SNRPN: variants seen among roughly 807,000 people sequenced by gnomAD.
The protein encoded by SNRPN is small nuclear ribonucleoprotein-associated protein N.
In SNRPN, 7 loss-of-function variants were observed where a neutral mutation model predicts 25.2. The observed-to-expected ratio is 0.28, with a 90% confidence interval of 0.16 to 0.52. SNRPN has a LOEUF of 0.52. SNRPN is among the 20% of genes least tolerant of loss of function. The pLI is 0.96. For synonymous variants in SNRPN, 124 were observed against 110.6 expected (o/e 1.12, Z -0.76); for missense variants, 196 against 322.5 (o/e 0.61, Z 3.00).
At chr15:24,856,563 A>G (rs2053412556) in exon 1 of SNRPN, 1 of 152,224 alleles carries the variant, frequency 6.6e-6, no homozygotes, top group Non-Finnish European at 1.5e-5. Flanking sequence ...CTGAGCTCAG[A>G]GCCTTCTGTG....
At chr15:24,972,034 T>C (rs554625086) in intron 3 of SNRPN, among the ~76,000 whole-genome samples, 29 of 152,202 alleles carry the variant, frequency 1.9e-4, no homozygotes, top group African/African-American at 5.8e-4. Context: ...GGCCGGCAGG[T>C]CACCTGAAGT....
chr15:24,866,712 C>CT (rs2054604054), intron 1 of SNRPN, among the ~76,000 whole-genome samples: 2 of 152,290 alleles, frequency 1.3e-5, no homozygotes. Context: ...ACCCCAGGCT[C>CT]TGGTAACTAC....
At chr15:24,956,274 C>G (rs1015866870) in intron 1 of SNRPN, among the ~76,000 whole-genome samples, 17 of 149,762 alleles carry the variant, frequency 1.1e-4, no homozygotes, top group Admixed American at 1.0e-3. Context: ...ACCTGGGGGT[C>G]TGTGTTGCGT....
chr15:24,909,646 ATC>A (rs1321064420), intron 2 of SNRPN: 2 of 1,229,664 alleles, frequency 1.6e-6, no homozygotes, highest in East Asian at 2.3e-5. Context: ...GACAAATGAT[ATC>A]TCTGTTTGTT....
chr15:24,833,157 T>C (rs2050716016), intron 2 of SNRPN, among the ~76,000 whole-genome samples: 1 of 133,298 alleles, frequency 7.5e-6, no homozygotes, highest in Non-Finnish European at 1.6e-5. Flanking sequence ...GTAGAAATGA[T>C]GAGAATGATG....
At chr15:24,901,708 C>T (rs1442549892) in intron 2 of SNRPN, among the ~76,000 whole-genome samples, 1 of 152,160 alleles carries the variant, frequency 6.6e-6, no homozygotes, top group East Asian at 1.9e-4. Flanking sequence ...GATTAACTAT[C>T]TTTAAACAAC....
chr15:24,933,305 G>A (rs1223842937), intron 3 of SNRPN, among the ~76,000 whole-genome samples: 1 of 151,424 alleles, frequency 6.6e-6, no homozygotes, highest in Non-Finnish European at 1.5e-5. Flanking sequence ...CCAGCTGTTA[G>A]GAAAACATCT....
chr15:24,871,922 G>A lies in SNRPN; in HGVS notation c.-578-14594G>A, dbSNP rs757275931. On this transcript the variant is annotated intron_variant, in intron 1 of 11. Coordinates refer to the SNRPN transcript ENST00000400097. ...GGGTTTCACCATGTTAGCCAGGATG[G>A]TCTCGATCTCCTGACTTCATGATTC... Among the ~76,000 whole-genome samples the A allele has an allele frequency of 4.2e-5, 5 of 118,612 alleles. 2 individuals are homozygous for A. The highest frequency in any genetic ancestry group is 9.2e-5 in the Non-Finnish European group (5 of 54,354). 77.8% of individuals were successfully genotyped at this position (118,612 alleles called of 152,430 possible).
At chr15:24,855,791 C>CAAAAAAAAAAAAAAAAAAAAAA (rs56081812), upstream of SNRPN, among the ~76,000 whole-genome samples, 1 of 71,992 alleles carries the variant, frequency 1.4e-5, no homozygotes, top group Non-Finnish European at 2.6e-5. Flanking sequence ...GAATCTGTCT[C>CAAAAAAAAAAAAAAAAAAAAAA]AAAAAAAAAA....
chr15:24,967,952 G>C lies in SNRPN; in HGVS notation c.-274G>C. 1 of 1,613,942 alleles carries C rather than the reference G, an allele frequency of 6.2e-7. No homozygotes were observed. Among genetic ancestry groups the C allele is most frequent in the Non-Finnish European group, 8.5e-7 (1 of 1,179,980 alleles). Reference sequence around the variant, plus strand: ...TGTAGGTGTCAGTTGTACCCGAGGCGTTCTCAGCAGCAGCAAGTACCTGTG... The same window carrying C: ...TGTAGGTGTCAGTTGTACCCGAGGCCTTCTCAGCAGCAGCAAGTACCTGTG... On this transcript the variant is annotated 5_prime_UTR_variant, in exon 3 of 10. Transcript: ENST00000390687.
At chr15:24,886,861 A>T (rs1205283722) in intron 2 of SNRPN, among the ~76,000 whole-genome samples, 1 of 152,128 alleles carries the variant, frequency 6.6e-6, no homozygotes, top group Non-Finnish European at 1.5e-5. Flanking sequence ...AAAACTCCTA[A>T]TGTTACATTT....
intron 1 of SNRPN, among the ~76,000 whole-genome samples, chr15:24,870,683 C>A (rs944782493): frequency 4.6e-5 from 7 of 152,024 alleles, no homozygotes; most frequent in African/African-American, 1.4e-4. Context: ...ACTTTGTACC[C>A]AAGTTACTTA....
intron 2 of SNRPN, among the ~76,000 whole-genome samples, chr15:24,895,869 A>T (rs1344189306): frequency 6.6e-6 from 1 of 152,214 alleles, no homozygotes; most frequent in African/African-American, 2.4e-5. Flanking sequence ...TGTTTGCAGA[A>T]CACCACATAG....
rs765648086 is a variant in SNRPN, at chr15:24,892,793, G to A, written c.-505+6204G>A. On this transcript the variant is annotated intron_variant, in intron 2 of 11. Coordinates refer to the SNRPN transcript ENST00000400097. ...TTAGCAAAATCATGCCAAAAAGAGG[G>A]AGGTAGGCAGAATTGTGAAAGCTTA... Among the ~76,000 whole-genome samples, 111 of 152,110 alleles carry A rather than the reference G, an allele frequency of 7.3e-4. 1 individual carries two copies. The highest frequency in any genetic ancestry group is 1.6e-3 in the Admixed American group (25 of 15,264).
At chr15:24,837,878 A>G (rs573146985) in intron 2 of SNRPN, among the ~76,000 whole-genome samples, 1 of 150,346 alleles carries the variant, frequency 6.7e-6, no homozygotes, top group South Asian at 2.1e-4. Flanking sequence ...ATGCACCACA[A>G]TGCCCAGCTA....
chr15:24,918,329 A>AATATATATGTGTATATATATAACATT (rs1566908352), intron 2 of SNRPN, among the ~76,000 whole-genome samples: 8 of 75,568 alleles, frequency 1.1e-4, no homozygotes, highest in Non-Finnish European at 1.5e-4. Flanking sequence ...TATATAACAT[A>AATATATATGTGTATATATATAACATT]ATATATATGT....
Position 24,956,354 on chromosome 15 carries a change from C to CGCGG in SNRPN, c.-391+1293_-391+1294insCGGG, listed in dbSNP as rs1555404318. 2.8e-4 allele frequency among the ~76,000 whole-genome samples: 39 copies of CGCGG among 138,224 alleles called. 1 individual carries two copies. The East Asian group carries it at 5.4e-3, about 19-fold the overall frequency. 90.7% of individuals were successfully genotyped at this position (138,224 alleles called of 152,430 possible). A position where few individuals can be genotyped will look rare whatever the true frequency, so the allele number is the denominator to read the frequency against. On this transcript the variant is annotated intron_variant, in intron 1 of 9. Coordinates refer to ENST00000390687, the MANE Select transcript of SNRPN (RefSeq NM_003097.6). ...GCTTAGATCTGCGCAAGCGCTTCAG[C>CGCGG]GGGGGGGTGGCCGCTTCCTCCCTGT... is the stretch of plus-strand genomic sequence containing the variant.
At chr15:24,950,734 A>T (rs2062199597), upstream of SNRPN, among the ~76,000 whole-genome samples, 1 of 149,396 alleles carries the variant, frequency 6.7e-6, no homozygotes, top group Admixed American at 6.7e-5. Flanking sequence ...TATTTTGTAG[A>T]GACGAGTCTT....
In SNRPN at chr15:24,976,864, T is replaced by C. The variant is rs2077122973; in HGVS notation, c.268-13T>C. Reference sequence around the variant, plus strand: ...AATTGTTTGATTTTAGGCTATGAATTTTCTTGTTTCAGACTGGCATTGCTC... The same window carrying C: ...AATTGTTTGATTTTAGGCTATGAATCTTCTTGTTTCAGACTGGCATTGCTC... On this transcript the variant is annotated splice_polypyrimidine_tract_variant and intron_variant, in intron 6 of 9. Coordinates refer to ENST00000390687, the MANE Select transcript of SNRPN (RefSeq NM_003097.6). The C allele has an allele frequency of 1.2e-6, 2 of 1,604,326 alleles. No individual in the cohort carries two copies. The highest frequency in any genetic ancestry group is 2.7e-5 in the African/African-American group (2 of 74,304).
Sources: gnomAD v4.1 joint callset for allele counts (sites outside exome capture counted in the v4.1 genomes callset) on GRCh38, gnomAD v4.1.1 for gene constraint, MANE v1.5 for transcripts, NCBI Gene and HGNC (gene_info 2026-07-23, HGNC 2026-07-21) for gene names.